The following CPNE4 variants were observed in gnomAD, a reference collection of about 807,000 sequenced individuals.
CPNE4 encodes the protein copine-4.
CPNE4 carries 25 observed loss-of-function variants against 67.9 expected under a neutral mutation model. That is an observed-to-expected ratio of 0.37 (90% CI 0.27 to 0.51). The LOEUF is 0.51. Ranked by LOEUF, CPNE4 falls within the 20% of genes least tolerant of loss-of-function variation. The probability of loss-of-function intolerance (pLI) is 0.93; values close to 1 mark genes in which losing one functional copy is unlikely to be tolerated. For synonymous variants in CPNE4, 242 were observed against 244.9 expected, an observed-to-expected ratio of 0.99 and a Z score of 0.11; for missense variants, 464 against 690.8, an observed-to-expected ratio of 0.67 and a Z score of 3.68.
intron 2 of CPNE4, among the ~76,000 whole-genome samples, chr3:131,886,695 G>A (rs1176203265): frequency 7.1e-6 from 1 of 141,446 alleles, no homozygotes; most frequent in East Asian, 2.1e-4. Flanking sequence ...TCTTCCATCA[G>A]TGTGACCTGG....
chr3:131,828,772 G>T (rs2085262947), intron 2 of CPNE4, among the ~76,000 whole-genome samples: 1 of 152,150 alleles, frequency 6.6e-6, no homozygotes, highest in Non-Finnish European at 1.5e-5. Flanking sequence ...ATTTGAGGCT[G>T]CAGTGAGCTT....
Position 131,723,502 on chromosome 3 carries a change from G to T in CPNE4, c.304C>A (p.His102Asn), listed in dbSNP as rs778065597. 21 of 1,613,704 alleles carry T rather than the reference G, an allele frequency of 1.3e-5. No homozygotes were observed. In the South Asian group the frequency reaches 2.1e-4, roughly 16 times the overall value. ...AAGTCGGCCTCCTTCAGCCCATTGT[G>T]GTTGCTGCTGATGTCATGGACTTCA... ...RFEVHDISSN[H>N]NGLKEADFLG... Residue 102 changes from histidine (H) to asparagine (N), a missense_variant, in exon 3 of 16, where the codon CAC (histidine) becomes AAC (asparagine). His to Asn is a moderately conservative substitution (Grantham distance 68). This residue lies in a region of CPNE4 where 170 missense variants were observed against 203.3 expected (regional missense o/e 0.84). Transcript: ENST00000429747.
chr3:131,640,187 G>C lies in CPNE4; in HGVS notation c.681+29488C>G, dbSNP rs541422973. Among the ~76,000 whole-genome samples, 18 of 152,174 alleles carry C rather than the reference G, an allele frequency of 1.2e-4. No homozygotes were observed. In the East Asian group the frequency reaches 3.1e-3, roughly 26 times the overall value. ...AACCAGACAAGAGAAAGAAATAAAG[G>C]GCATCCAAATCAGTAAAGAGGAAGT... On this transcript the variant is annotated intron_variant, in intron 7 of 15. Coordinates refer to ENST00000429747, the MANE Select transcript of CPNE4 (RefSeq NM_130808.3).
At chr3:131,960,270 T>C (rs1394730581) in intron 1 of CPNE4, among the ~76,000 whole-genome samples, 2 of 152,236 alleles carry the variant, frequency 1.3e-5, no homozygotes, top group South Asian at 2.1e-4. Flanking sequence ...TTGATTTACT[T>C]TTCAATCCAC....
chr3:131,681,323 A>G (rs1455448123), intron 6 of CPNE4, among the ~76,000 whole-genome samples: 1 of 152,160 alleles, frequency 6.6e-6, no homozygotes, highest in Non-Finnish European at 1.5e-5. Flanking sequence ...TCTGGTGTTA[A>G]TGAAATCCCT....
At chr3:131,941,856 GT>G (rs1324285323) in intron 1 of CPNE4, among the ~76,000 whole-genome samples, 1 of 151,900 alleles carries the variant, frequency 6.6e-6, no homozygotes, top group Non-Finnish European at 1.5e-5. Context: ...TAAGACTTTA[GT>G]TCTTTTATTA....
intron 7 of CPNE4, among the ~76,000 whole-genome samples, chr3:131,593,981 G>A (rs1938693361): frequency 1.3e-5 from 2 of 152,234 alleles, no homozygotes; most frequent in Admixed American, 6.5e-5. Flanking sequence ...GACTCCTAAA[G>A]TGCTGGGATT....
intron 1 of CPNE4, among the ~76,000 whole-genome samples, chr3:131,940,604 T>C (rs1238571607): frequency 6.6e-6 from 1 of 152,112 alleles, no homozygotes; most frequent in Non-Finnish European, 1.5e-5. Flanking sequence ...GTTTCCAGTA[T>C]ACCAGTGGAA....
At chr3:131,789,674 A>G (rs1406490493) in intron 2 of CPNE4, among the ~76,000 whole-genome samples, 1 of 152,238 alleles carries the variant, frequency 6.6e-6, no homozygotes, top group South Asian at 2.1e-4. Context: ...ACACCACTGA[A>G]GAAATAAAAT....
intron 6 of CPNE4, among the ~76,000 whole-genome samples, chr3:131,682,201 C>T (rs2107674819): frequency 6.6e-6 from 1 of 152,090 alleles, no homozygotes; most frequent in African/African-American, 2.4e-5. Flanking sequence ...AGATATTCAC[C>T]AGTATATCTG....
In CPNE4 at chr3:131,602,932, G is replaced by A. The variant is rs1313711563; in HGVS notation, c.682-15350C>T. Among the ~76,000 whole-genome samples, 4 of 152,084 alleles carry A rather than the reference G, an allele frequency of 2.6e-5. No individual in the cohort carries two copies. In the East Asian group the frequency reaches 5.8e-4, roughly 22 times the overall value. ...AGTTAATGCATAGATACTCAATAAG[G>A]CAGAATAGACCAGTTGGCTGTTGAG... On this transcript the variant is annotated intron_variant, in intron 7 of 15. Transcript: ENST00000429747.
chr3:131,821,457 C>T (rs1236439315), intron 2 of CPNE4, among the ~76,000 whole-genome samples: 3 of 152,144 alleles, frequency 2.0e-5, no homozygotes, highest in Non-Finnish European at 2.9e-5. Context: ...GTAGCTGCTG[C>T]GATGTGTGAC....
intron 3 of CPNE4, among the ~76,000 whole-genome samples, chr3:131,700,500 C>A (rs975857618): frequency 6.6e-6 from 1 of 152,120 alleles, no homozygotes; most frequent in Non-Finnish European, 1.5e-5. Context: ...GAAGTAATTG[C>A]GGTTCTCTTC....
At chr3:131,968,026 CA>C (rs1448008926) in intron 1 of CPNE4, among the ~76,000 whole-genome samples, 1 of 152,128 alleles carries the variant, frequency 6.6e-6, no homozygotes, top group African/African-American at 2.4e-5. Context: ...ACCAACGGAA[CA>C]GAACAGCGGC....
At chr3:131,622,657 G>GA (rs1245891741) in intron 7 of CPNE4, among the ~76,000 whole-genome samples, 1 of 152,188 alleles carries the variant, frequency 6.6e-6, no homozygotes, top group African/African-American at 2.4e-5. Context: ...CTGCTTATGG[G>GA]AAAAAGTCTG....
intron 1 of CPNE4, among the ~76,000 whole-genome samples, chr3:131,933,820 A>T (rs2071140990): frequency 6.6e-6 from 1 of 151,918 alleles, no homozygotes; most frequent in Admixed American, 6.6e-5. Flanking sequence ...GTTCTCACTT[A>T]TATGTGAAAC....
chr3:132,001,724 G>T lies in CPNE4; in HGVS notation c.-2+32843C>A, dbSNP rs576911446. 2.3e-3 allele frequency among the ~76,000 whole-genome samples: 349 copies of T among 152,096 alleles called. 2 individuals carry two copies. The highest frequency in any genetic ancestry group is 8.2e-3 in the African/African-American group (339 of 41,516). On this transcript the variant is annotated intron_variant, in intron 1 of 15. Transcript: ENST00000429747. ...TGTCTGCATGAGGTGAATAAAAGAT[G>T]GCCCTTCAGCCTTTCTCTTTCTATC...
intron 1 of CPNE4, among the ~76,000 whole-genome samples, chr3:131,965,603 C>A (rs867283459): frequency 2.6e-5 from 4 of 152,032 alleles, no homozygotes; most frequent in Admixed American, 6.5e-5. Context: ...GACTTTAAAC[C>A]AACAAAGATC....
upstream of CPNE4, among the ~76,000 whole-genome samples, chr3:132,039,359 G>A (rs1248775516): frequency 6.6e-6 from 1 of 152,214 alleles, no homozygotes; most frequent in African/African-American, 2.4e-5. Context: ...AGGTTAAGCA[G>A]AAAGATAAAA....
Sources: allele counts gnomAD v4.1 joint callset (sites outside exome capture counted in the v4.1 genomes callset), GRCh38; gene constraint gnomAD v4.1.1; regional missense constraint gnomAD v4.1.1; transcripts MANE v1.5; gene names NCBI Gene and HGNC (gene_info 2026-07-23, HGNC 2026-07-21).